Variants in PTPRN2 observed in about 807,000 individuals in gnomAD.
PTPRN2 encodes the protein protein tyrosine phosphatase receptor type N2.
PTPRN2 carries 74 observed loss-of-function variants against 118.8 expected under a neutral mutation model. The ratio of observed to expected loss-of-function variants is 0.62; its 90% CI spans 0.52 to 0.76. The LOEUF (loss-of-function observed/expected upper bound fraction) is 0.76, where lower values mean the gene tolerates loss of function less well. PTPRN2 is among the 30% of genes least tolerant of loss of function. PTPRN2 has a pLI of 0.00. For missense variants in PTPRN2, 1,481 were observed against 1,394.4 expected, an observed-to-expected ratio of 1.06 and a Z score of -0.99; for synonymous variants, 641 against 608.0, an observed-to-expected ratio of 1.05 and a Z score of -0.80.
chr7:158,126,499 C>T (rs1308077160), intron 9 of PTPRN2, among the ~76,000 whole-genome samples: 1 of 54,572 alleles, frequency 1.8e-5, no homozygotes, highest in East Asian at 5.1e-4. Context: ...CCCAGGACAG[C>T]GGGCGGCGGA....
intron 12 of PTPRN2, among the ~76,000 whole-genome samples, chr7:157,896,759 G>A (rs2128750735): frequency 6.6e-6 from 1 of 152,324 alleles, no homozygotes; most frequent in Non-Finnish European, 1.5e-5. Flanking sequence ...CAAGGCACAT[G>A]GCAGAAGCCA....
intron 2 of PTPRN2, among the ~76,000 whole-genome samples, chr7:158,373,054 A>C (rs1318344938): frequency 6.6e-6 from 1 of 152,214 alleles, no homozygotes; most frequent in Non-Finnish European, 1.5e-5. Flanking sequence ...GCACGGCCGA[A>C]GGTTCCACCC....
chr7:157,986,301 C>T lies in PTPRN2; in HGVS notation c.1724-87564G>A, dbSNP rs540161676. On this transcript the variant is annotated intron_variant, in intron 11 of 22. Transcript: ENST00000389418. The surrounding 1 kb of genome is among the most constrained non-coding windows in gnomAD (Gnocchi z 4.5). ...CTAGGACCCAGGCAAGACTGCCAAG[C>T]GGATGAGGCTTCGCTTTAGGACCAT... 1.1e-4 allele frequency among the ~76,000 whole-genome samples: 16 copies of T among 152,308 alleles called. No homozygotes were observed. The East Asian group carries it at 1.7e-3, about 17-fold the overall frequency.
chr7:158,177,572 C>A (rs754665887), intron 5 of PTPRN2, among the ~76,000 whole-genome samples: 1 of 152,180 alleles, frequency 6.6e-6, no homozygotes, highest in African/African-American at 2.4e-5. Context: ...CAGGCAATCC[C>A]GACCAGCTTT....
chr7:157,736,404 C>T (rs993642396), intron 12 of PTPRN2, among the ~76,000 whole-genome samples: 17 of 152,278 alleles, frequency 1.1e-4, no homozygotes, highest in African/African-American at 3.6e-4. Context: ...GCCAAAAGGG[C>T]GGCCCCGATC....
intron 16 of PTPRN2, among the ~76,000 whole-genome samples, chr7:157,597,438 G>T (rs1309934016): frequency 6.6e-6 from 1 of 151,164 alleles, no homozygotes; most frequent in Non-Finnish European, 1.5e-5. Context: ...AAATAGTAAT[G>T]CATGAAAAGG....
intron 3 of PTPRN2, among the ~76,000 whole-genome samples, chr7:158,213,507 C>T (rs987837564): frequency 6.6e-6 from 1 of 152,106 alleles, no homozygotes; most frequent in African/African-American, 2.4e-5. Flanking sequence ...CTAAGCTGCT[C>T]TAGTTGGAAT....
intron 2 of PTPRN2, among the ~76,000 whole-genome samples, chr7:158,321,871 A>C (rs867785363): frequency 4.6e-5 from 7 of 152,326 alleles, no homozygotes; most frequent in Middle Eastern, 3.4e-3. Flanking sequence ...ACAGCCGCTA[A>C]CGTGTTTAAC....
chr7:158,379,920 ACAG>A (rs974830761), intron 2 of PTPRN2, among the ~76,000 whole-genome samples: 5 of 152,196 alleles, frequency 3.3e-5, no homozygotes, highest in African/African-American at 1.2e-4. Context: ...CACATGGATG[ACAG>A]CAGGCAAAGA....
rs1006468531 is a variant in PTPRN2 at position 158,157,443 on chromosome 7, C to T, written c.910+9488G>A. 6.6e-5 allele frequency among the ~76,000 whole-genome samples: 10 copies of T among 152,366 alleles called. No homozygotes were observed. In the South Asian group the frequency reaches 1.7e-3, roughly 25 times the overall value. Reference sequence around the variant, plus strand: ...GTCTGTAAGGACATCAGCCAAACACCGGGGAAGAGATTTCTCACATGGGGG... The same window carrying T: ...GTCTGTAAGGACATCAGCCAAACACTGGGGAAGAGATTTCTCACATGGGGG... On this transcript the variant is annotated intron_variant, in intron 6 of 22. Coordinates refer to ENST00000389418, the MANE Select transcript of PTPRN2 (RefSeq NM_002847.5).
chr7:158,365,858 A>ACACACC, intron 2 of PTPRN2, among the ~76,000 whole-genome samples: 1 of 125,832 alleles, frequency 7.9e-6, no homozygotes, highest in Middle Eastern at 6.3e-3. Flanking sequence ...ACCCACACAC[A>ACACACC]CACAGCATCC....
intron 2 of PTPRN2, among the ~76,000 whole-genome samples, chr7:158,459,462 G>C (rs948762860): frequency 6.6e-6 from 1 of 152,150 alleles, no homozygotes; most frequent in Non-Finnish European, 1.5e-5. Flanking sequence ...GGGCTCCAGG[G>C]GCCCGCAAAA....
chr7:157,756,703 G>A lies in PTPRN2; in HGVS notation c.1789-73766C>T, dbSNP rs147486816. On this transcript the variant is annotated intron_variant, in intron 12 of 22. Transcript: ENST00000389418. ...GGGAAAGGCATGAGAAGCTGCTAGCGTGGGGACTCAAGGAACATCAGCAGT... is the reference window on the plus strand; with the variant it reads ...GGGAAAGGCATGAGAAGCTGCTAGCATGGGGACTCAAGGAACATCAGCAGT... Among the ~76,000 whole-genome samples the A allele has an allele frequency of 2.6e-3, 389 of 152,138 alleles. 2 individuals carry two copies. Among genetic ancestry groups the A allele is most frequent in the African/African-American group, 9.2e-3 (382 of 41,488 alleles).
In PTPRN2 at chr7:157,826,076, G is replaced by A. The variant is rs138794394; in HGVS notation, c.1788+72597C>T. 3.3e-5 allele frequency among the ~76,000 whole-genome samples: 5 copies of A among 152,238 alleles called. No homozygotes were observed. The East Asian group carries it at 9.6e-4, about 29-fold the overall frequency. Reference sequence around the variant, plus strand: ...CAGTAAATAGAACGGCAGCACAACCGTGATCACCACAGTCATCACAATGAG... The same window carrying A: ...CAGTAAATAGAACGGCAGCACAACCATGATCACCACAGTCATCACAATGAG... On this transcript the variant is annotated intron_variant, in intron 12 of 22. Coordinates refer to ENST00000389418, the MANE Select transcript of PTPRN2 (RefSeq NM_002847.5).
chr7:158,529,363 C>T lies in PTPRN2; in HGVS notation c.113-39578G>A, dbSNP rs1212120575. ...TGACACGCCCCAGAGCAAGCATTGG[C>T]TGTGTCGGCAGAGGAAGGTGGGAAG... On this transcript the variant is annotated intron_variant, in intron 1 of 22. Coordinates refer to ENST00000389418, the MANE Select transcript of PTPRN2 (RefSeq NM_002847.5). The surrounding 1 kb of genome is among the most constrained non-coding windows in gnomAD (Gnocchi z 4.7). Among the ~76,000 whole-genome samples, 1 of 152,222 alleles carries T rather than the reference C, an allele frequency of 6.6e-6. No individual in the cohort carries two copies. The highest frequency in any genetic ancestry group is 1.5e-5 in the Non-Finnish European group (1 of 68,044).
At chr7:158,150,710 G>C (rs1244639665) in intron 6 of PTPRN2, among the ~76,000 whole-genome samples, 3 of 152,038 alleles carry the variant, frequency 2.0e-5, no homozygotes, top group African/African-American at 7.3e-5. Context: ...GGAAGAATGT[G>C]GGTGATCATG....
chr7:157,706,303 G>A (rs990288122), intron 12 of PTPRN2, among the ~76,000 whole-genome samples: 8 of 150,852 alleles, frequency 5.3e-5, no homozygotes, highest in Non-Finnish European at 7.4e-5. Flanking sequence ...CTGGATTAGC[G>A]TGAACCCCAT....
At chr7:157,961,062 C>T (rs1801498571) in intron 11 of PTPRN2, among the ~76,000 whole-genome samples, 1 of 152,046 alleles carries the variant, frequency 6.6e-6, no homozygotes, top group African/African-American at 2.4e-5. Context: ...AAAACCAAAA[C>T]CATGGAAGTG....
At chr7:158,049,455 T>A (rs973961789) in intron 11 of PTPRN2, among the ~76,000 whole-genome samples, 1 of 152,222 alleles carries the variant, frequency 6.6e-6, no homozygotes, top group Non-Finnish European at 1.5e-5. Flanking sequence ...CCTGAACTGC[T>A]GCCTGAGCAT....
Sources: gnomAD v4.1 joint callset for allele counts (sites outside exome capture counted in the v4.1 genomes callset) on GRCh38, gnomAD v4.1.1 for gene constraint, Gnocchi (gnomAD v3.1) non-coding constraint, MANE v1.5 for transcripts, NCBI Gene and HGNC (gene_info 2026-07-23, HGNC 2026-07-21) for gene names.